Variants in MTUS2 observed in about 807,000 individuals in gnomAD.
The protein encoded by MTUS2 is microtubule-associated tumor suppressor candidate 2.
In MTUS2, 40 loss-of-function variants were observed where a neutral mutation model predicts 114.1. The observed-to-expected ratio is 0.35, with a 90% CI of 0.27 to 0.46. MTUS2 has a LOEUF of 0.46. Ranked by LOEUF, MTUS2 falls within the 20% of genes least tolerant of loss-of-function variation. MTUS2 has a pLI of 1.00. For synonymous variants in MTUS2, 688 were observed against 672.0 expected, an observed-to-expected ratio of 1.02 and a Z score of -0.37; for missense variants, 1,679 against 1,705.4, an observed-to-expected ratio of 0.98 and a Z score of 0.27.
intron 2 of MTUS2, among the ~76,000 whole-genome samples, chr13:28,978,085 G>C (rs1032557512): frequency 5.3e-5 from 8 of 152,146 alleles, no homozygotes; most frequent in Non-Finnish European, 1.2e-4. Flanking sequence ...CCAAATTAAA[G>C]AACTGTATTT....
intron 2 of MTUS2, among the ~76,000 whole-genome samples, chr13:28,957,133 T>A (rs1258063753): frequency 6.6e-6 from 1 of 152,218 alleles, no homozygotes; most frequent in Non-Finnish European, 1.5e-5. Context: ...GACGTGGAGA[T>A]AATGGTTGGA....
In MTUS2 at chr13:29,321,568, G is replaced by T. The variant is rs143368230; in HGVS notation, c.2807-3045G>T. Among the ~76,000 whole-genome samples the T allele has an allele frequency of 5.1e-3, 780 of 152,248 alleles. 5 individuals are homozygous for T. Among genetic ancestry groups the T allele is most frequent in the African/African-American group, 0.018 (742 of 41,536 alleles). On this transcript the variant is annotated intron_variant, in intron 6 of 15. Transcript: ENST00000612955. ...CCAGCAAAGGGAGGGTAAAACTTTC[G>T]ATTTGAGTTATTCCTATAGGACTGC...
At chr13:29,200,764 C>T (rs1336105897) in intron 5 of MTUS2, among the ~76,000 whole-genome samples, 2 of 152,100 alleles carry the variant, frequency 1.3e-5, no homozygotes, top group East Asian at 1.9e-4. Flanking sequence ...AGGTGATCTG[C>T]ACACTACAGC....
intron 8 of MTUS2, among the ~76,000 whole-genome samples, chr13:29,419,191 A>T (rs111792531): frequency 7.9e-5 from 12 of 152,290 alleles, no homozygotes; most frequent in African/African-American, 2.6e-4. Context: ...TGGGTCATAC[A>T]TTGTACCTCA....
At chr13:28,842,668 C>T (rs1274909354) in intron 2 of MTUS2, among the ~76,000 whole-genome samples, 1 of 152,130 alleles carries the variant, frequency 6.6e-6, no homozygotes. Context: ...TATGATGATT[C>T]TGTAAAGATG....
chr13:28,851,644 C>T lies in MTUS2; in HGVS notation c.-243+11794C>T, dbSNP rs181566622. Among the ~76,000 whole-genome samples the T allele has an allele frequency of 6.6e-4, 101 of 152,294 alleles. 1 individual carries two copies. Among genetic ancestry groups the T allele is most frequent in the South Asian group, 4.1e-3 (20 of 4,826 alleles). Reference sequence around the variant, plus strand: ...GGACTCTGACCAGGGTCCTGAAGCACGCACAGTTCCAGAGGCCCTCCTTAA... The same window carrying T: ...GGACTCTGACCAGGGTCCTGAAGCATGCACAGTTCCAGAGGCCCTCCTTAA... On this transcript the variant is annotated intron_variant, in intron 2 of 15. Coordinates refer to ENST00000612955, the MANE Select transcript of MTUS2 (RefSeq NM_001033602.4).
At chr13:28,835,493 T>A (rs1875016042) in intron 1 of MTUS2, among the ~76,000 whole-genome samples, 1 of 152,170 alleles carries the variant, frequency 6.6e-6, no homozygotes. Flanking sequence ...TGTCAGGGAC[T>A]GGGCTGAGGA....
chr13:29,370,388 G>C (rs1871101070), intron 8 of MTUS2, among the ~76,000 whole-genome samples: 1 of 152,090 alleles, frequency 6.6e-6, no homozygotes, highest in Non-Finnish European at 1.5e-5. Flanking sequence ...CTTGAGCCCA[G>C]GATGCAAGGC....
chr13:28,992,540 C>T (rs1884908638), intron 2 of MTUS2, among the ~76,000 whole-genome samples: 1 of 152,080 alleles, frequency 6.6e-6, no homozygotes, highest in South Asian at 2.1e-4. Flanking sequence ...GAGCATATCC[C>T]ACACTTGCAT....
chr13:29,429,483 A>G (rs1377421070), intron 8 of MTUS2, among the ~76,000 whole-genome samples: 1 of 152,262 alleles, frequency 6.6e-6, no homozygotes, highest in Non-Finnish European at 1.5e-5. Flanking sequence ...GGGTGTGTTC[A>G]AGTCTTCACA....
intron 2 of MTUS2, among the ~76,000 whole-genome samples, chr13:28,882,697 A>G (rs971087915): frequency 3.3e-5 from 5 of 152,186 alleles, no homozygotes; most frequent in Non-Finnish European, 5.9e-5. Flanking sequence ...TGATTGTGCT[A>G]TTACACACCA....
intron 5 of MTUS2, among the ~76,000 whole-genome samples, chr13:29,153,547 C>T (rs577254405): frequency 4.6e-5 from 7 of 152,158 alleles, no homozygotes; most frequent in East Asian, 3.9e-4. Flanking sequence ...TGTGTGCTTC[C>T]GTCTCCAGGA....
intron 7 of MTUS2, among the ~76,000 whole-genome samples, chr13:29,336,151 G>A (rs1045076220): frequency 1.3e-5 from 2 of 152,154 alleles, no homozygotes; most frequent in South Asian, 2.1e-4. Context: ...TCAGTTCGTC[G>A]AACTCATTCT....
intron 2 of MTUS2, among the ~76,000 whole-genome samples, chr13:28,921,397 A>G (rs774130214): frequency 3.3e-5 from 5 of 152,204 alleles, no homozygotes; most frequent in Non-Finnish European, 5.9e-5. Flanking sequence ...CTGGTATCCA[A>G]GATGTAAGGC....
At chr13:29,206,972 C>A (rs1258403957) in intron 5 of MTUS2, among the ~76,000 whole-genome samples, 1 of 152,084 alleles carries the variant, frequency 6.6e-6, no homozygotes, top group Admixed American at 6.5e-5. Flanking sequence ...ATGGGAATTG[C>A]ATTAAATTTG....
chr13:29,132,870 T>G (rs1050274306), intron 5 of MTUS2, among the ~76,000 whole-genome samples: 4 of 152,204 alleles, frequency 2.6e-5, no homozygotes, highest in Non-Finnish European at 4.4e-5. Flanking sequence ...CTTTTGAGTA[T>G]ATATCCAGAA....
At chr13:28,972,664 T>C (rs1434000858) in intron 2 of MTUS2, among the ~76,000 whole-genome samples, 1 of 152,186 alleles carries the variant, frequency 6.6e-6, no homozygotes, top group Non-Finnish European at 1.5e-5. Flanking sequence ...TGCAGGGTGT[T>C]TGAGAATGGC....
At chr13:28,928,045 A>G (rs933914291) in intron 2 of MTUS2, among the ~76,000 whole-genome samples, 1 of 152,250 alleles carries the variant, frequency 6.6e-6, no homozygotes, top group African/African-American at 2.4e-5. Context: ...CTAGATATCC[A>G]TACGCAGAAG....
At chr13:29,350,225 C>G (rs770288633) in intron 7 of MTUS2, among the ~76,000 whole-genome samples, 12 of 151,848 alleles carry the variant, frequency 7.9e-5, no homozygotes, top group Non-Finnish European at 1.2e-4. Context: ...CAAATTATCA[C>G]AAGGCTAATA....
Sources: gnomAD v4.1 joint callset for allele counts (sites outside exome capture counted in the v4.1 genomes callset) on GRCh38, gnomAD v4.1.1 for gene constraint, MANE v1.5 for transcripts, NCBI Gene and HGNC (gene_info 2026-07-23, HGNC 2026-07-21) for gene names.